CCDC83: variants seen among roughly 807,000 people sequenced by gnomAD.
CCDC83 encodes the protein coiled-coil domain containing 83.
A neutral mutation model predicts 50.1 loss-of-function variants in CCDC83; 54 were observed. That is an observed-to-expected ratio of 1.08 (90% CI 0.87 to 1.35). The LOEUF is 1.35. Among genes scored for constraint, CCDC83 ranks in the 40% most tolerant of loss-of-function variants. The probability of loss-of-function intolerance (pLI) is 0.00; values close to 1 mark genes in which losing one functional copy is unlikely to be tolerated. For missense variants in CCDC83, 518 were observed against 473.9 expected, an observed-to-expected ratio of 1.09 and a Z score of -0.86; for synonymous variants, 161 against 153.3, an observed-to-expected ratio of 1.05 and a Z score of -0.37.
At chr11:85,918,379 A>G (rs1236665563) in intron 10 of CCDC83, among the ~76,000 whole-genome samples, 1 of 152,198 alleles carries the variant, frequency 6.6e-6, no homozygotes, top group Non-Finnish European at 1.5e-5. Flanking sequence ...CACTTGATAT[A>G]GGGCCTGGCA....
intron 7 of CCDC83, among the ~76,000 whole-genome samples, chr11:85,908,429 C>T (rs974432538): frequency 3.3e-5 from 5 of 151,928 alleles, no homozygotes; most frequent in African/African-American, 9.7e-5. Flanking sequence ...GGCGGGCGCC[C>T]GTGGAAGGCA....
At chr11:85,857,786 T>C (rs1004609210) in intron 1 of CCDC83, among the ~76,000 whole-genome samples, 2 of 152,172 alleles carry the variant, frequency 1.3e-5, no homozygotes, top group African/African-American at 4.8e-5. Context: ...CTGTGGGGTT[T>C]CAGGCCCATG....
In CCDC83 at chr11:85,898,500, G is replaced by GT. The variant is rs1211511012; in HGVS notation, c.604-447_604-446insT. On this transcript the variant is annotated intron_variant, in intron 6 of 10. Coordinates refer to ENST00000342404, the MANE Select transcript of CCDC83 (RefSeq NM_001286159.2). ...CCTACCCTGAAACTACTTGCTGTTA[G>GT]ATTTACAAATAAGTACGTTGTTATT... Among the ~76,000 whole-genome samples the GT allele has an allele frequency of 3.3e-5, 5 of 152,290 alleles. No homozygotes were observed. The East Asian group carries it at 9.6e-4, about 29-fold the overall frequency.
In CCDC83 at chr11:85,886,301, G is replaced by C; in HGVS notation, c.445G>C (p.Ala149Pro). 1.9e-6 allele frequency: 3 copies of C among 1,610,368 alleles called. No individual in the cohort carries two copies. The highest frequency in any genetic ancestry group is 2.5e-6 in the Non-Finnish European group (3 of 1,178,706). ...EYKNVGSERHAKLITSLQNDI... is the reference protein window; with the variant it reads ...EYKNVGSERHPKLITSLQNDI... Reference sequence around the variant, plus strand: ...CAAGAATGTAGGGAGTGAACGACATGCTAAACTCATTACCTCCTTACAAAA... The same window carrying C: ...CAAGAATGTAGGGAGTGAACGACATCCTAAACTCATTACCTCCTTACAAAA... The change falls in exon 5 of 11, where the codon GCT (alanine) becomes CCT (proline). Residue 149 changes from alanine to proline, a missense_variant. Ala to Pro is a conservative substitution (Grantham distance 27). Transcript: ENST00000342404.
rs149689171 is a variant in CCDC83 at position 85,886,251 on chromosome 11, G to A, written c.395G>A (p.Ser132Asn). 6 of 1,602,916 alleles carry A rather than the reference G, an allele frequency of 3.7e-6. No individual in the cohort carries two copies. The highest frequency in any genetic ancestry group is 4.3e-6 in the Non-Finnish European group (5 of 1,176,316). ...GAGAAACTATTTCTTGAGAAACTCA[G>A]TGAAAAGGAATATTGGGAGGAGTAC... ...NAEKLFLEKL[S>N]EKEYWEEYKN... The change falls in exon 5 of 11, where the codon AGT (serine) becomes AAT (asparagine). Residue 132 changes from serine (S) to asparagine (N), a missense_variant. By Grantham distance (46) the Ser-to-Asn change is conservative. Transcript: ENST00000342404.
intron 2 of CCDC83, among the ~76,000 whole-genome samples, chr11:85,867,530 T>C (rs1356984810): frequency 6.6e-6 from 1 of 152,220 alleles, no homozygotes; most frequent in Non-Finnish European, 1.5e-5. Context: ...CCTGTTTCCT[T>C]TTATTTTCTA....
chr11:85,901,458 A>G (rs1478233220), intron 7 of CCDC83, among the ~76,000 whole-genome samples: 1 of 152,004 alleles, frequency 6.6e-6, no homozygotes, highest in Admixed American at 6.6e-5. Flanking sequence ...CCGTAGTCCC[A>G]AATACCCAGG....
chr11:85,901,881 A>G (rs1483996421), intron 7 of CCDC83, among the ~76,000 whole-genome samples: 3 of 150,370 alleles, frequency 2.0e-5, no homozygotes, highest in Non-Finnish European at 3.0e-5. Flanking sequence ...ATAAAAAAAA[A>G]TTAGCCAGGC....
At chr11:85,862,924 T>C (rs1332261773) in intron 1 of CCDC83, among the ~76,000 whole-genome samples, 1 of 152,264 alleles carries the variant, frequency 6.6e-6, no homozygotes, top group Non-Finnish European at 1.5e-5. Flanking sequence ...AAAGCATTTG[T>C]GCTTTAATGG....
chr11:85,874,244 G>A (rs1443372991), intron 3 of CCDC83, among the ~76,000 whole-genome samples: 1 of 152,168 alleles, frequency 6.6e-6, no homozygotes, highest in African/African-American at 2.4e-5. Context: ...TTGTAATAGG[G>A]ACTAAAACAG....
intron 2 of CCDC83, among the ~76,000 whole-genome samples, chr11:85,869,803 T>C (rs1399240488): frequency 6.6e-6 from 1 of 152,204 alleles, no homozygotes; most frequent in African/African-American, 2.4e-5. Flanking sequence ...CATAATAGTG[T>C]TGAGTTCTGA....
chr11:85,911,215 A>T, intron 7 of CCDC83, 66 bp from the exon 8 acceptor site: 1 of 1,281,426 alleles, frequency 7.8e-7, no homozygotes, highest in South Asian at 2.1e-5. Context: ...AAAAAAATAA[A>T]GAAAAGAAAA....
At chr11:85,889,109 TG>T (rs534831018) in intron 5 of CCDC83, among the ~76,000 whole-genome samples, 17 of 152,330 alleles carry the variant, frequency 1.1e-4, no homozygotes, top group African/African-American at 3.8e-4. Context: ...ACCAGCATTT[TG>T]GGGGGTCCAC....
At position 85,898,987 on chromosome 11, in the gene CCDC83, T is replaced by G. The variant is rs769015329; in HGVS notation, c.644T>G (p.Ile215Ser). The change falls in exon 7 of 11, where the codon ATC becomes AGC. Residue 215 changes from isoleucine to serine, a missense_variant. Ile to Ser is a moderately radical substitution (Grantham distance 142). Transcript: ENST00000342404. ...KLIDKGSYLEIWENDWLKKEV... is the reference protein window; with the variant it reads ...KLIDKGSYLESWENDWLKKEV... ...ATTGACAAGGGCAGTTATCTAGAGA[T>G]CTGGGAGAATGACTGGCTCAAAAAA... 2 of 1,611,978 alleles carry G rather than the reference T, an allele frequency of 1.2e-6. No individual in the cohort carries two copies. The highest frequency in any genetic ancestry group is 3.3e-5 in the Admixed American group (2 of 59,766).
chr11:85,904,999 T>A (rs1276002300), intron 7 of CCDC83, among the ~76,000 whole-genome samples: 2 of 152,204 alleles, frequency 1.3e-5, no homozygotes, highest in Admixed American at 6.5e-5. Context: ...AAAAAGGTAT[T>A]AACAATTTTT....
chr11:85,875,345 T>C (rs78732745), intron 3 of CCDC83, among the ~76,000 whole-genome samples: 4 of 152,212 alleles, frequency 2.6e-5, no homozygotes, highest in African/African-American at 4.8e-5. Context: ...AGCTTGAAGG[T>C]TGGATTTCAC....
intron 8 of CCDC83, among the ~76,000 whole-genome samples, chr11:85,913,203 T>G (rs2093462845): frequency 6.6e-6 from 1 of 152,214 alleles, no homozygotes; most frequent in Non-Finnish European, 1.5e-5. Flanking sequence ...GGGTGACATT[T>G]ATAGGAACTG....
intron 7 of CCDC83, among the ~76,000 whole-genome samples, chr11:85,906,461 C>G (rs997748000): frequency 6.6e-6 from 1 of 152,144 alleles, no homozygotes; most frequent in African/African-American, 2.4e-5. Context: ...GGGCTGTTTT[C>G]ATGACTTGAC....
At chr11:85,894,314 T>C (rs2093362939) in intron 5 of CCDC83, among the ~76,000 whole-genome samples, 1 of 152,206 alleles carries the variant, frequency 6.6e-6, no homozygotes, top group Admixed American at 6.5e-5. Flanking sequence ...TTCAACATCA[T>C]TTGTATGGGA....
Sources: allele counts gnomAD v4.1 joint callset (sites outside exome capture counted in the v4.1 genomes callset), GRCh38; gene constraint gnomAD v4.1.1; transcripts MANE v1.5; gene names NCBI Gene and HGNC (gene_info 2026-07-23, HGNC 2026-07-21).